Variants in INPP4A observed in about 807,000 individuals in gnomAD.
The protein encoded by INPP4A is inositol polyphosphate-4-phosphatase, type I, 107kD.
INPP4A carries 33 observed loss-of-function variants against 119.8 expected under a neutral mutation model. The ratio of observed to expected loss-of-function variants is 0.28; its 90% CI spans 0.21 to 0.37. The LOEUF is 0.37. Among genes scored for constraint, INPP4A ranks in the 10% least tolerant of loss-of-function variants. The probability of loss-of-function intolerance (pLI) is 1.00; values close to 1 mark genes in which losing one functional copy is unlikely to be tolerated. For missense variants in INPP4A, 956 were observed against 1,289.9 expected (o/e 0.74, Z 3.97); for synonymous variants, 496 against 500.7 (o/e 0.99, Z 0.12).
At chr2:98,484,535 C>T (rs562023808) in intron 1 of INPP4A, among the ~76,000 whole-genome samples, 2 of 152,258 alleles carry the variant, frequency 1.3e-5, no homozygotes, top group African/African-American at 2.4e-5. Context: ...GAGAGCCCTT[C>T]CAGCTGAGAT....
chr2:98,585,716 A>G (rs1699878094), intron 24 of INPP4A, among the ~76,000 whole-genome samples: 1 of 152,270 alleles, frequency 6.6e-6, no homozygotes, highest in African/African-American at 2.4e-5. Flanking sequence ...GGGGAAAGTA[A>G]ATACAATTTG....
At chr2:98,529,405 T>C (rs1313838631) in intron 4 of INPP4A, among the ~76,000 whole-genome samples, 1 of 152,134 alleles carries the variant, frequency 6.6e-6, no homozygotes, top group African/African-American at 2.4e-5. Context: ...TTCAGGAATT[T>C]GTGGTGATGG....
chr2:98,569,018 C>T lies in INPP4A; in HGVS notation c.2518+350C>T, dbSNP rs1696976352. On this transcript the variant is annotated intron_variant, in intron 22 of 24. Coordinates refer to ENST00000409851, the MANE Select transcript of INPP4A (RefSeq NM_001134225.2). The surrounding 1 kb of genome is among the most constrained non-coding windows in gnomAD (Gnocchi z 5.1). ...ACCCACCCTCGGCCAGGTGAGCGGC[C>T]CACTCACTTCCCTTTGTGGTGCTTA... The T allele has an allele frequency of 4.9e-6, 1 of 205,008 alleles. No homozygotes were observed. The highest frequency in any genetic ancestry group is 5.6e-5 in the Admixed American group (1 of 17,884). The allele number at this position is 205,008 out of a possible 1,614,324, so 12.7% of individuals were successfully genotyped here. A position where few individuals can be genotyped will look rare whatever the true frequency, so the allele number is the denominator to read the frequency against.
At chr2:98,561,748 A>G (rs1695513871) in intron 17 of INPP4A, among the ~76,000 whole-genome samples, 2 of 152,256 alleles carry the variant, frequency 1.3e-5, no homozygotes, top group East Asian at 3.8e-4. Context: ...GATATGCATG[A>G]CAGCTAGAAG....
chr2:98,572,455 C>T (rs1008465880), intron 22 of INPP4A, among the ~76,000 whole-genome samples: 1 of 152,204 alleles, frequency 6.6e-6, no homozygotes, highest in African/African-American at 2.4e-5. Context: ...CTTCTACCCT[C>T]GGGAAGTTTT....
chr2:98,548,756 G>T (rs900333671), intron 13 of INPP4A, among the ~76,000 whole-genome samples: 8 of 152,156 alleles, frequency 5.3e-5, no homozygotes, highest in African/African-American at 1.9e-4. Flanking sequence ...TCTCCCTGGG[G>T]CTTGAGCACA....
intron 1 of INPP4A, among the ~76,000 whole-genome samples, chr2:98,468,900 G>T (rs1230269207): frequency 1.3e-5 from 2 of 151,292 alleles, no homozygotes; most frequent in Non-Finnish European, 2.9e-5. Context: ...TCCCACAGTG[G>T]TTGCTGAGAT....
At chr2:98,481,752 G>A (rs1349292220) in intron 1 of INPP4A, among the ~76,000 whole-genome samples, 1 of 152,190 alleles carries the variant, frequency 6.6e-6, no homozygotes, top group African/African-American at 2.4e-5. Flanking sequence ...GGAAGACAGG[G>A]AGGCTGTGAC....
intron 19 of INPP4A, 77 bp downstream of exon 19, chr2:98,564,840 A>G (rs1696141529): frequency 2.8e-6 from 4 of 1,453,436 alleles, no homozygotes; most frequent in Middle Eastern, 1.8e-4. Flanking sequence ...CACTTTTCTC[A>G]CTATACCAGT....
At position 98,537,984 on chromosome 2, in the gene INPP4A, A is replaced by T. The variant is rs1026541994; in HGVS notation, c.579+10A>T. The T allele has an allele frequency of 6.5e-7, 1 of 1,538,150 alleles. No homozygotes were observed. Among genetic ancestry groups the T allele is most frequent in the South Asian group, 1.1e-5 (1 of 87,484 alleles). On this transcript the variant is annotated intron_variant, in intron 8 of 24. Transcript: ENST00000409851. Reference sequence around the variant, plus strand: ...CACTGTCAATGGGAGGGTGAGTTACACCACTTTCCTCCTCTCCCTTAGAAA... The same window carrying T: ...CACTGTCAATGGGAGGGTGAGTTACTCCACTTTCCTCCTCTCCCTTAGAAA...
intron 16 of INPP4A, 114 bp from the exon 17 acceptor site, chr2:98,559,349 T>C: frequency 8.3e-7 from 1 of 1,198,778 alleles, no homozygotes; most frequent in South Asian, 1.3e-5. Flanking sequence ...CTTTTCTGTT[T>C]GTTAGCCGCC....
chr2:98,569,794 A>G lies in INPP4A; in HGVS notation c.2518+1126A>G, dbSNP rs1430023104. ...GGCTGGGCCAAGAAGTCGTGGCTTCAGCAGGGAAGCAGTGGGAAAAAAGAC... is the reference window on the plus strand; with the variant it reads ...GGCTGGGCCAAGAAGTCGTGGCTTCGGCAGGGAAGCAGTGGGAAAAAAGAC... On this transcript the variant is annotated intron_variant, in intron 22 of 24. Transcript: ENST00000409851. The surrounding 1 kb of genome is among the most constrained non-coding windows in gnomAD (Gnocchi z 5.1). The G allele has an allele frequency of 6.6e-6, 1 of 152,344 alleles. No individual in the cohort carries two copies. Among genetic ancestry groups the G allele is most frequent in the Non-Finnish European group, 1.5e-5 (1 of 68,150 alleles). The allele number at this position is 152,344 out of a possible 1,614,324, so 9.4% of individuals were successfully genotyped here. A position where few individuals can be genotyped will look rare whatever the true frequency, so the allele number is the denominator to read the frequency against.
At chr2:98,560,384 G>T (rs1358511399) in intron 17 of INPP4A, among the ~76,000 whole-genome samples, 1 of 152,210 alleles carries the variant, frequency 6.6e-6, no homozygotes, top group Non-Finnish European at 1.5e-5. Context: ...CCTGTGCATT[G>T]CTAGTGAAGC....
intron 4 of INPP4A, among the ~76,000 whole-genome samples, chr2:98,530,738 C>T (rs1219298235): frequency 6.6e-6 from 1 of 151,960 alleles, no homozygotes; most frequent in Non-Finnish European, 1.5e-5. Flanking sequence ...GAAATATGAA[C>T]AGAAACAATA....
chr2:98,531,265 A>G (rs1411863657), intron 4 of INPP4A, among the ~76,000 whole-genome samples: 1 of 152,232 alleles, frequency 6.6e-6, no homozygotes, highest in Non-Finnish European at 1.5e-5. Flanking sequence ...GACATTATTG[A>G]ACATTTTCAG....
chr2:98,466,954 T>G (rs1386139002), intron 1 of INPP4A, among the ~76,000 whole-genome samples: 3 of 152,210 alleles, frequency 2.0e-5, no homozygotes, highest in Non-Finnish European at 4.4e-5. Flanking sequence ...AAAGAATACC[T>G]GAGGCTGGGT....
In INPP4A at chr2:98,491,323, C is replaced by T. The variant is rs143754055; in HGVS notation, c.-165-27641C>T. Among the ~76,000 whole-genome samples the T allele has an allele frequency of 3.5e-3, 533 of 152,344 alleles. 8 individuals are homozygous for T. The highest frequency in any genetic ancestry group is 0.012 in the African/African-American group (491 of 41,572). On this transcript the variant is annotated intron_variant, in intron 1 of 24. Transcript: ENST00000409851. Reference sequence around the variant, plus strand: ...TCATGAGCAGCCATCCTGGACGCAGCGCCACGTAGGGCCTGGGGAGCAGAA... The same window carrying T: ...TCATGAGCAGCCATCCTGGACGCAGTGCCACGTAGGGCCTGGGGAGCAGAA...
At chr2:98,574,403 C>T (rs1698054325) in intron 23 of INPP4A, among the ~76,000 whole-genome samples, 1 of 151,876 alleles carries the variant, frequency 6.6e-6, no homozygotes. Context: ...TTTGGGAGGC[C>T]GAGGTAGGTG....
chr2:98,455,749 T>TC (rs1174433098), intron 1 of INPP4A, among the ~76,000 whole-genome samples: 1 of 152,222 alleles, frequency 6.6e-6, no homozygotes, highest in Non-Finnish European at 1.5e-5. Context: ...TGTTCTTTGG[T>TC]CTGTTGCCTT....
Sources: allele counts gnomAD v4.1 joint callset (sites outside exome capture counted in the v4.1 genomes callset), GRCh38; gene constraint gnomAD v4.1.1; non-coding constraint Gnocchi (gnomAD v3.1); transcripts MANE v1.5; gene names NCBI Gene and HGNC (gene_info 2026-07-23, HGNC 2026-07-21).